The following AP3S2 variants were observed in gnomAD, a reference collection of about 807,000 sequenced individuals.
AP3S2 encodes the protein adaptor related protein complex 3 subunit sigma 2, also known as AP-3 complex subunit sigma-2.
In AP3S2, 22 loss-of-function variants were observed where a neutral mutation model predicts 23.4. That is an observed-to-expected ratio of 0.94 (90% CI 0.67 to 1.34). AP3S2 has a LOEUF of 1.34. Among genes scored for constraint, AP3S2 ranks in the 40% most tolerant of loss-of-function variants. The pLI is 0.00. For synonymous variants in AP3S2, 86 were observed against 87.1 expected (o/e 0.99, Z 0.07); for missense variants, 241 against 236.9 (o/e 1.02, Z -0.11).
chr15:89,847,375 CAAAAAAAAAAAAAAA>C (rs11314336), intron 4 of AP3S2, among the ~76,000 whole-genome samples: 2 of 62,606 alleles, frequency 3.2e-5, no homozygotes, highest in East Asian at 6.3e-4. Context: ...GACCCTGTTA[CAAAAAAAAAAAAAAA>C]AAAAAAAAAA....
At chr15:89,869,540 CTG>C (rs1390604694) in intron 4 of AP3S2, among the ~76,000 whole-genome samples, 1 of 133,194 alleles carries the variant, frequency 7.5e-6, no homozygotes, top group African/African-American at 2.8e-5. Context: ...AAATCCCCCT[CTG>C]TGAGAAACAC....
At chr15:89,848,584 T>G (rs1312747714) in intron 4 of AP3S2, 2 of 152,288 alleles carry the variant, frequency 1.3e-5, no homozygotes, top group African/African-American at 4.8e-5. Context: ...ATGGTCTCGA[T>G]CTCCTGACCT....
intron 4 of AP3S2, among the ~76,000 whole-genome samples, chr15:89,858,497 G>GAAAGAA (rs1895908489): frequency 1.8e-5 from 1 of 54,654 alleles, no homozygotes; most frequent in South Asian, 5.3e-4. Flanking sequence ...GAAAGAAAGA[G>GAAAGAA]AGAGAGAGAG....
At position 89,847,524 on chromosome 15, in the gene AP3S2, G is replaced by A. The variant is rs150223241; in HGVS notation, c.346-9802C>T. 1.8e-3 allele frequency among the ~76,000 whole-genome samples: 267 copies of A among 152,202 alleles called. 2 individuals carry two copies. The highest frequency in any genetic ancestry group is 8.1e-3 in the South Asian group (39 of 4,814). Reference sequence around the variant, plus strand: ...CTAGCTCTAGAACTACTAGGGGTGGGGACAAGTCAGTTGCAACAACCCTCC... The same window carrying A: ...CTAGCTCTAGAACTACTAGGGGTGGAGACAAGTCAGTTGCAACAACCCTCC... On this transcript the variant is annotated intron_variant, in intron 4 of 5. Transcript: ENST00000336418.
intron 3 of AP3S2, among the ~76,000 whole-genome samples, chr15:89,875,167 C>T (rs1044360681): frequency 2.6e-5 from 4 of 152,230 alleles, no homozygotes; most frequent in South Asian, 2.1e-4. Flanking sequence ...TGCCCCCTAG[C>T]GGCCTGAGCT....
intron 4 of AP3S2, among the ~76,000 whole-genome samples, chr15:89,858,569 C>G (rs1251176030): frequency 6.8e-6 from 1 of 147,042 alleles, no homozygotes; most frequent in Admixed American, 6.7e-5. Context: ...AAGAGAAACT[C>G]TACTTCTTAT....
intron 4 of AP3S2, among the ~76,000 whole-genome samples, chr15:89,867,146 C>T (rs899986697): frequency 3.3e-5 from 5 of 149,952 alleles, no homozygotes; most frequent in African/African-American, 1.2e-4. Context: ...CCTCAGCCTG[C>T]CGAGTGCCTG....
intron 4 of AP3S2, among the ~76,000 whole-genome samples, chr15:89,868,081 C>T (rs1450954367): frequency 8.1e-6 from 1 of 123,846 alleles, no homozygotes; most frequent in Non-Finnish European, 1.8e-5. Context: ...AGGAGCCCCT[C>T]AGCCTGGCCA....
At chr15:89,844,491 C>A (rs1895437939) in intron 4 of AP3S2, among the ~76,000 whole-genome samples, 1 of 151,728 alleles carries the variant, frequency 6.6e-6, no homozygotes, top group South Asian at 2.1e-4. Context: ...GCATGTGCCA[C>A]CATGCCCAGC....
chr15:89,870,949 C>G (rs1896304498), intron 4 of AP3S2, among the ~76,000 whole-genome samples: 2 of 152,212 alleles, frequency 1.3e-5, no homozygotes, highest in Non-Finnish European at 2.9e-5. Context: ...CTGAGAACAC[C>G]TACTTGGGGC....
At chr15:89,883,122 T>C (rs1896610980) in intron 3 of AP3S2, among the ~76,000 whole-genome samples, 1 of 152,236 alleles carries the variant, frequency 6.6e-6, no homozygotes, top group African/African-American at 2.4e-5. Flanking sequence ...CTATCCTTTA[T>C]TATTACTGTA....
At chr15:89,857,455 A>G (rs1380045602) in intron 4 of AP3S2, among the ~76,000 whole-genome samples, 4 of 152,256 alleles carry the variant, frequency 2.6e-5, no homozygotes, top group Non-Finnish European at 5.9e-5. Flanking sequence ...GCCAAGGTAA[A>G]GACAAATGAT....
intron 4 of AP3S2, among the ~76,000 whole-genome samples, chr15:89,858,803 A>G (rs2141863753): frequency 6.6e-6 from 1 of 152,300 alleles, no homozygotes; most frequent in Middle Eastern, 3.4e-3. Context: ...CTGCATATCA[A>G]ATGAATATCT....
chr15:89,867,171 C>T (rs1408027734), intron 4 of AP3S2, among the ~76,000 whole-genome samples: 10 of 149,434 alleles, frequency 6.7e-5, no homozygotes, highest in Non-Finnish European at 4.5e-5. Flanking sequence ...TGCAGGCACG[C>T]GCCGCCACGC....
rs1474220096 is a variant in AP3S2, at chr15:89,833,777, A to C, written c.*1738T>G. 1 of 152,200 alleles carries C rather than the reference A, an allele frequency of 6.6e-6. No individual in the cohort carries two copies. The highest frequency in any genetic ancestry group is 2.4e-5 in the African/African-American group (1 of 41,440). 9.4% of individuals were successfully genotyped at this position (152,200 alleles called of 1,614,324 possible). ...TCTCTGTGCTTATCATGGAGCTTTC[A>C]AGAGTGAGGATCGGAGGCTGTATTG... On this transcript the variant is annotated 3_prime_UTR_variant, in exon 6 of 6. Transcript: ENST00000336418.
chr15:89,882,231 T>C (rs2141894798), intron 3 of AP3S2, among the ~76,000 whole-genome samples: 1 of 152,262 alleles, frequency 6.6e-6, no homozygotes, highest in East Asian at 1.9e-4. Context: ...ACCGTTTGCA[T>C]AAAGACTTAG....
chr15:89,881,971 C>T (rs781781995), intron 3 of AP3S2, among the ~76,000 whole-genome samples: 1 of 152,060 alleles, frequency 6.6e-6, no homozygotes, highest in Non-Finnish European at 1.5e-5. Flanking sequence ...CAGGTGCATA[C>T]CACCACGCCC....
intron 3 of AP3S2, among the ~76,000 whole-genome samples, chr15:89,886,133 AAGGTC>A (rs1180930406): frequency 1.3e-5 from 2 of 151,956 alleles, no homozygotes; most frequent in African/African-American, 4.8e-5. Context: ...GGCGGATCAC[AAGGTC>A]AGGATATCGA....
chr15:89,855,929 AAT>A lies in AP3S2; in HGVS notation c.345+15544_345+15545del, dbSNP rs974015933. On this transcript the variant is annotated intron_variant, in intron 4 of 5. Coordinates refer to ENST00000336418, the MANE Select transcript of AP3S2 (RefSeq NM_005829.5). ...AATAATTCCAGCATGTGTATGAATA[AAT>A]ATGATATGTCCTTTAAAAAAAAAAA... is the stretch of plus-strand genomic sequence containing the variant. Among the ~76,000 whole-genome samples the A allele has an allele frequency of 2.1e-5, 3 of 139,930 alleles. No individual in the cohort carries two copies. The East Asian group carries it at 6.2e-4, about 29-fold the overall frequency. The allele number at this position is 139,930 out of a possible 152,430, so 91.8% of individuals were successfully genotyped here.
Sources: gnomAD v4.1 joint callset for allele counts (sites outside exome capture counted in the v4.1 genomes callset) on GRCh38, gnomAD v4.1.1 for gene constraint, MANE v1.5 for transcripts, NCBI Gene and HGNC (gene_info 2026-07-23, HGNC 2026-07-21) for gene names.